FAT3: variants seen among roughly 807,000 people sequenced by gnomAD.
The protein encoded by FAT3 is FAT atypical cadherin 3.
A neutral mutation model predicts 310.2 loss-of-function variants in FAT3; 95 were observed. The ratio of observed to expected loss-of-function variants is 0.31; its 90% CI spans 0.26 to 0.36. The LOEUF (loss-of-function observed/expected upper bound fraction) is 0.36. Among genes scored for constraint, FAT3 ranks in the 10% least tolerant of loss-of-function variants. FAT3 has a pLI of 1.00. For synonymous variants in FAT3, 2,314 were observed against 2,192.9 expected (o/e 1.06, Z -1.54); for missense variants, 5,408 against 5,715.6 (o/e 0.95, Z 1.74).
intron 2 of FAT3, among the ~76,000 whole-genome samples, chr11:92,517,167 T>C (rs1953514306): frequency 6.6e-6 from 1 of 152,172 alleles, no homozygotes; most frequent in Non-Finnish European, 1.5e-5. Context: ...AGAGCCCATA[T>C]AGCCAAGACA....
chr11:92,617,680 G>A (rs1214492114), intron 3 of FAT3, among the ~76,000 whole-genome samples: 1 of 152,164 alleles, frequency 6.6e-6, no homozygotes, highest in Non-Finnish European at 1.5e-5. Context: ...TGTCCTTTCT[G>A]TTTGTTAGTT....
intron 18 of FAT3, among the ~76,000 whole-genome samples, chr11:92,842,532 T>A (rs1048526587): frequency 6.6e-6 from 1 of 152,214 alleles, no homozygotes; most frequent in Non-Finnish European, 1.5e-5. Flanking sequence ...CCAGCATCTC[T>A]TGTTCACATC....
In FAT3 at chr11:92,452,158, AC is replaced by A. The variant is rs555102398; in HGVS notation, c.3293-72475del. ...AGTTAGAAGAACTAACTGTGGGTAT[AC>A]TGTCAACCAGTGAGCATTAGTGTTC... On this transcript the variant is annotated intron_variant, in intron 2 of 27. Coordinates refer to ENST00000525166, the MANE Select transcript of FAT3 (RefSeq NM_001367949.2). Among the ~76,000 whole-genome samples the A allele has an allele frequency of 5.2e-3, 793 of 152,294 alleles. 2 individuals carry two copies. The highest frequency in any genetic ancestry group is 8.8e-3 in the Non-Finnish European group (598 of 68,012).
chr11:92,419,554 AT>A (rs1950495516), intron 2 of FAT3, among the ~76,000 whole-genome samples: 1 of 152,284 alleles, frequency 6.6e-6, no homozygotes, highest in East Asian at 1.9e-4. Flanking sequence ...ATAGGGGAGT[AT>A]CTTTATATTT....
At chr11:92,555,458 C>T (rs570630889) in intron 3 of FAT3, among the ~76,000 whole-genome samples, 49 of 152,312 alleles carry the variant, frequency 3.2e-4, no homozygotes, top group African/African-American at 1.2e-3. Context: ...CAAGTGCCCT[C>T]TGGGATAACA....
chr11:92,804,725 T>C (rs573092771), intron 10 of FAT3, among the ~76,000 whole-genome samples: 61 of 152,324 alleles, frequency 4.0e-4, no homozygotes, highest in Non-Finnish European at 6.6e-4. Flanking sequence ...TTAATAGAAC[T>C]AACTGCCTTT....
At chr11:92,327,771 C>T (rs1294302648) in intron 1 of FAT3, among the ~76,000 whole-genome samples, 2 of 152,184 alleles carry the variant, frequency 1.3e-5, no homozygotes, top group Non-Finnish European at 1.5e-5. Flanking sequence ...AGTCACTTAA[C>T]CCAAGAGAGT....
At chr11:92,514,262 C>G (rs1220403323) in intron 2 of FAT3, among the ~76,000 whole-genome samples, 1 of 151,780 alleles carries the variant, frequency 6.6e-6, no homozygotes. Flanking sequence ...ATTAAGATGC[C>G]CAGAGAATTT....
At chr11:92,671,923 T>C (rs536235647) in intron 3 of FAT3, among the ~76,000 whole-genome samples, 1 of 152,192 alleles carries the variant, frequency 6.6e-6, no homozygotes, top group Non-Finnish European at 1.5e-5. Context: ...CTGGACAATA[T>C]GGTGAAACCC....
chr11:92,789,345 C>A (rs564484145), intron 7 of FAT3, among the ~76,000 whole-genome samples: 2 of 152,218 alleles, frequency 1.3e-5, no homozygotes, highest in East Asian at 3.9e-4. Flanking sequence ...TGAAAATTTA[C>A]GTAACAAAAT....
intron 3 of FAT3, among the ~76,000 whole-genome samples, chr11:92,683,092 A>G (rs78513045): frequency 0.013 from 1,928 of 151,250 alleles, 59 homozygotes; most frequent in African/African-American, 0.045. Flanking sequence ...AAAAAGTGGT[A>G]TCTGACTGGC....
intron 3 of FAT3, among the ~76,000 whole-genome samples, chr11:92,601,331 G>A (rs572566013): frequency 5.3e-5 from 8 of 151,318 alleles, no homozygotes; most frequent in South Asian, 2.1e-4. Flanking sequence ...AAGCTGAGGC[G>A]GGCAGATCAC....
chr11:92,668,152 A>T (rs1943016732), intron 3 of FAT3, among the ~76,000 whole-genome samples: 2 of 152,220 alleles, frequency 1.3e-5, no homozygotes, highest in African/African-American at 4.8e-5. Flanking sequence ...AAGTTGCAAG[A>T]ACTTATCCAG....
intron 2 of FAT3, among the ~76,000 whole-genome samples, chr11:92,460,074 C>T (rs556603300): frequency 6.6e-5 from 10 of 152,232 alleles, no homozygotes; most frequent in East Asian, 1.9e-4. Flanking sequence ...TGTTCTCTGT[C>T]TTCTTTTTTC....
At chr11:92,422,672 A>T (rs1458441747) in intron 2 of FAT3, among the ~76,000 whole-genome samples, 1 of 151,906 alleles carries the variant, frequency 6.6e-6, no homozygotes, top group African/African-American at 2.4e-5. Flanking sequence ...TGGGTGTAGA[A>T]GGGGGTGTAG....
At chr11:92,251,285 G>A (rs1865128751) in intron 1 of FAT3, among the ~76,000 whole-genome samples, 1 of 152,120 alleles carries the variant, frequency 6.6e-6, no homozygotes, top group Non-Finnish European at 1.5e-5. Flanking sequence ...TCACTTGTTG[G>A]TGGGCTCACA....
intron 3 of FAT3, among the ~76,000 whole-genome samples, chr11:92,688,087 A>G (rs1182450581): frequency 6.6e-6 from 1 of 152,026 alleles, no homozygotes; most frequent in Non-Finnish European, 1.5e-5. Context: ...CGGTAGTCTC[A>G]GCTACTTGGG....
At chr11:92,644,374 G>C (rs1355319479) in intron 3 of FAT3, among the ~76,000 whole-genome samples, 2 of 152,122 alleles carry the variant, frequency 1.3e-5, no homozygotes, top group Non-Finnish European at 2.9e-5. Context: ...GAGATGTCAA[G>C]CCAACATCCT....
intron 1 of FAT3, among the ~76,000 whole-genome samples, chr11:92,300,422 C>A (rs981677573): frequency 6.6e-6 from 1 of 152,134 alleles, no homozygotes; most frequent in African/African-American, 2.4e-5. Context: ...CTTTGTCTTA[C>A]ACACTTTTGT....
Sources: gnomAD v4.1 joint callset for allele counts (sites outside exome capture counted in the v4.1 genomes callset) on GRCh38, gnomAD v4.1.1 for gene constraint, MANE v1.5 for transcripts, NCBI Gene and HGNC (gene_info 2026-07-23, HGNC 2026-07-21) for gene names.